TAF8: variants seen among roughly 807,000 people sequenced by gnomAD.
The protein encoded by TAF8 is transcription initiation factor TFIID subunit 8.
In TAF8, 47 loss-of-function variants were observed where a neutral mutation model predicts 36.5. The observed-to-expected ratio is 1.29, with a 90% CI of 1.02 to 1.64. The LOEUF is 1.64. TAF8 is among the 40% of genes most tolerant of loss of function. The probability of loss-of-function intolerance (pLI) is 0.00; values close to 1 mark genes in which losing one functional copy is unlikely to be tolerated. For missense variants in TAF8, 420 were observed against 407.6 expected, an observed-to-expected ratio of 1.03 and a Z score of -0.26; for synonymous variants, 175 against 159.5, an observed-to-expected ratio of 1.10 and a Z score of -0.73.
intron 7 of TAF8, among the ~76,000 whole-genome samples, chr6:42,076,029 G>A (rs1277435543): frequency 6.6e-6 from 1 of 152,114 alleles, no homozygotes; most frequent in Non-Finnish European, 1.5e-5. Flanking sequence ...CTAACATGGT[G>A]AAACCCCGTC....
Position 42,079,070 on chromosome 6 carries a change from C to T in TAF8, c.*1525C>T, listed in dbSNP as rs193036054. ...CTGGGAGGCGGAGGTTGCAGTGAGC[C>T]GAGATCGTGCCACTGCACTCCAGCC... On this transcript the variant is annotated 3_prime_UTR_variant, in exon 9 of 9. Transcript: ENST00000372977. 1.4e-5 allele frequency: 11 copies of T among 772,664 alleles called. No homozygotes were observed. Among genetic ancestry groups the T allele is most frequent in the African/African-American group, 3.8e-5 (2 of 53,086 alleles). 47.9% of individuals were successfully genotyped at this position (772,664 alleles called of 1,614,324 possible). A position where few individuals can be genotyped will look rare whatever the true frequency, so the allele number is the denominator to read the frequency against.
rs746835094 is a variant in TAF8, at chr6:42,051,337, ATC to A, written c.46-14_46-13del. The A allele has an allele frequency of 7.4e-5, 118 of 1,601,902 alleles. No individual in the cohort carries two copies. The East Asian group carries it at 2.4e-3, about 33-fold the overall frequency. On this transcript the variant is annotated intron_variant, in intron 1 of 8. Transcript: ENST00000372977. ...TTGCATCCTTCTCCTGTGGATGAAA[ATC>A]TCTCTGCTGATTCACAGAGATCGGG...
intron 5 of TAF8, 82 bp from the exon 6 acceptor site, chr6:42,066,230 A>G (rs1164570835): frequency 1.3e-6 from 2 of 1,558,758 alleles, no homozygotes; most frequent in East Asian, 4.5e-5. Context: ...AGAACAGGGC[A>G]TAGCAACAGC....
rs1048392382 is a variant in TAF8, at chr6:42,079,801, G to A, written c.*2256G>A. The A allele has an allele frequency of 3.8e-5, 37 of 965,492 alleles. No homozygotes were observed. The highest frequency in any genetic ancestry group is 2.8e-4 in the African/African-American group (16 of 56,316). The allele number at this position is 965,492 out of a possible 1,614,324, so 59.8% of individuals were successfully genotyped here. A position where few individuals can be genotyped will look rare whatever the true frequency, so the allele number is the denominator to read the frequency against. On this transcript the variant is annotated 3_prime_UTR_variant, in exon 9 of 9. Coordinates refer to ENST00000372977, the MANE Select transcript of TAF8 (RefSeq NM_138572.3). ...ACTCCTGGCCTCAAGTGATCCACCC[G>A]CCTTGGCCTTCCAAAGTGTTGAGAT...
At chr6:42,060,380 G>A (rs1364504806) in intron 5 of TAF8, among the ~76,000 whole-genome samples, 3 of 152,124 alleles carry the variant, frequency 2.0e-5, no homozygotes, top group Admixed American at 6.5e-5. Flanking sequence ...TACTTGGCCC[G>A]ATTATTTGCA....
intron 6 of TAF8, among the ~76,000 whole-genome samples, chr6:42,067,991 T>G: frequency 6.6e-6 from 1 of 152,236 alleles, no homozygotes; most frequent in East Asian, 1.9e-4. Flanking sequence ...TGCAGAGTGC[T>G]CAAATCCAGC....
intron 6 of TAF8, among the ~76,000 whole-genome samples, chr6:42,067,381 T>C (rs1379072336): frequency 6.6e-6 from 1 of 151,670 alleles, no homozygotes; most frequent in African/African-American, 2.4e-5. Flanking sequence ...ACCCAGCTAA[T>C]TTTTTGTATT....
At chr6:42,060,061 A>G (rs1364993635) in intron 5 of TAF8, among the ~76,000 whole-genome samples, 1 of 152,220 alleles carries the variant, frequency 6.6e-6, no homozygotes, top group Non-Finnish European at 1.5e-5. Context: ...CACAAACATT[A>G]GTACTCTGTA....
chr6:42,083,590 C>T (rs906758819), downstream of TAF8, among the ~76,000 whole-genome samples: 1 of 152,032 alleles, frequency 6.6e-6, no homozygotes, highest in African/African-American at 2.4e-5. Flanking sequence ...AATTTTTTTT[C>T]CCCCTGGATT....
At chr6:42,087,448 A>G (rs1766047756), downstream of TAF8, 1 of 152,128 alleles carries the variant, frequency 6.6e-6, no homozygotes, top group South Asian at 2.1e-4. Flanking sequence ...AAAAGAATAA[A>G]ACAGTTAAAA....
intron 8 of TAF8, 78 bp downstream of exon 8, chr6:42,077,317 T>G: frequency 6.5e-7 from 1 of 1,543,348 alleles, no homozygotes; most frequent in Non-Finnish European, 8.8e-7. Context: ...AAGAGTCTCC[T>G]CAGTGGGGCG....
At chr6:42,056,732 A>G (rs570440307) in intron 4 of TAF8, among the ~76,000 whole-genome samples, 42 of 152,282 alleles carry the variant, frequency 2.8e-4, no homozygotes, top group East Asian at 9.7e-4. Flanking sequence ...CAGCCTCCCA[A>G]GTAGCTGGGA....
chr6:42,066,599 C>A, intron 6 of TAF8, 140 bp downstream of exon 6: 1 of 979,718 alleles, frequency 1.0e-6, no homozygotes, highest in Non-Finnish European at 1.5e-6. Flanking sequence ...TTTCTGGCTC[C>A]CTTCCCCAGG....
chr6:42,076,306 C>T (rs191643822), intron 7 of TAF8, among the ~76,000 whole-genome samples: 10 of 151,814 alleles, frequency 6.6e-5, no homozygotes, highest in Admixed American at 2.6e-4. Flanking sequence ...AAAAATTAGC[C>T]GGGCGTCATG....
rs528725917 is a variant in TAF8 at position 42,050,645 on chromosome 6, C to T, written c.45+59C>T. 59 of 1,502,866 alleles carry T rather than the reference C, an allele frequency of 3.9e-5. No homozygotes were observed. In the African/African-American group the frequency reaches 7.6e-4, roughly 19 times the overall value. 93.1% of individuals were successfully genotyped at this position (1,502,866 alleles called of 1,614,324 possible). A position where few individuals can be genotyped will look rare whatever the true frequency, so the allele number is the denominator to read the frequency against. ...GAGTTTGGGTATCCTGCAACTTTCC[C>T]CTCGACTGAGCAACAAGATAATGCC... On this transcript the variant is annotated intron_variant, in intron 1 of 8. Transcript: ENST00000372977.
chr6:42,081,008 T>G lies in TAF8; in HGVS notation c.*3463T>G, dbSNP rs1765906272. 1.0e-5 allele frequency: 10 copies of G among 981,600 alleles called. No homozygotes were observed. The highest frequency in any genetic ancestry group is 1.2e-5 in the Non-Finnish European group (10 of 826,514). The allele number at this position is 981,600 out of a possible 1,614,324, so 60.8% of individuals were successfully genotyped here. On this transcript the variant is annotated 3_prime_UTR_variant, in exon 9 of 9. Coordinates refer to ENST00000372977, the MANE Select transcript of TAF8 (RefSeq NM_138572.3). The stretch of plus-strand genomic sequence containing the variant: ...TGTTGGCCTAAGCACACCTGGGAAC[T>G]TAGTAAAACTTTTATTTTGGAAATT...
chr6:42,054,303 AC>A (rs1289496370), intron 2 of TAF8, among the ~76,000 whole-genome samples: 4 of 152,038 alleles, frequency 2.6e-5, no homozygotes, highest in Non-Finnish European at 4.4e-5. Context: ...AGAGAATAAG[AC>A]CTTTTTGTGT....
chr6:42,073,064 A>C (rs1765635772), intron 7 of TAF8, among the ~76,000 whole-genome samples: 1 of 152,218 alleles, frequency 6.6e-6, no homozygotes, highest in African/African-American at 2.4e-5. Flanking sequence ...TCTTGATGAG[A>C]GTGCACCTCT....
chr6:42,051,234 C>A, intron 1 of TAF8, 123 bp from the exon 2 acceptor site: 1 of 1,320,854 alleles, frequency 7.6e-7, no homozygotes, highest in South Asian at 1.6e-5. Context: ...TAAATCTAAA[C>A]ATTAAGCACT....
Sources: allele counts gnomAD v4.1 joint callset (sites outside exome capture counted in the v4.1 genomes callset), GRCh38; gene constraint gnomAD v4.1.1; transcripts MANE v1.5; gene names NCBI Gene and HGNC (gene_info 2026-07-23, HGNC 2026-07-21).